Variants in CFAP44 observed in about 807,000 individuals in gnomAD.
The protein encoded by CFAP44 is cilia and flagella associated protein 44.
Under a neutral mutation model 216.2 loss-of-function variants are expected in CFAP44, and 134 were observed. The observed-to-expected ratio is 0.62, with a 90% CI of 0.54 to 0.72. The LOEUF is 0.72. Ranked by LOEUF, CFAP44 falls within the 30% of genes least tolerant of loss-of-function variation. CFAP44 has a pLI of 0.00. For synonymous variants in CFAP44, 700 were observed against 727.6 expected (o/e 0.96, Z 0.61); for missense variants, 2,035 against 2,182.1 (o/e 0.93, Z 1.34).
chr3:113,408,316 A>T (rs1289492376), intron 7 of CFAP44, among the ~76,000 whole-genome samples: 1 of 152,186 alleles, frequency 6.6e-6, no homozygotes, highest in Admixed American at 6.5e-5. Flanking sequence ...TGAAAAGAGC[A>T]TGGAGTTTGG....
intron 6 of CFAP44, among the ~76,000 whole-genome samples, chr3:113,409,764 C>T (rs1274433313): frequency 1.3e-5 from 2 of 152,188 alleles, no homozygotes; most frequent in Non-Finnish European, 2.9e-5. Context: ...AAAGACCCAA[C>T]TGATAAAACA....
At position 113,363,528 on chromosome 3, in the gene CFAP44, C is replaced by T. The variant is rs780270435; in HGVS notation, c.2720G>A (p.Gly907Glu). 2 of 1,608,204 alleles carry T rather than the reference C, an allele frequency of 1.2e-6. No individual in the cohort carries two copies. The highest frequency in any genetic ancestry group is 1.7e-6 in the Non-Finnish European group (2 of 1,177,402). Residue 907 changes from glycine to glutamate, a missense_variant, in exon 20 of 35, where the codon GGA (glycine) becomes GAA (glutamate). This residue lies in a region of CFAP44 where 1,883 missense variants were observed against 2,023.7 expected (regional missense o/e 0.93). Transcript: ENST00000393845. ...TTCTGGAATTGGCTCTGTTTCAATTCCAAACTATAGGAAGGGAAGTAAAAG... is the reference window on the plus strand; with the variant it reads ...TTCTGGAATTGGCTCTGTTTCAATTTCAAACTATAGGAAGGGAAGTAAAAG... ...MKAKVPSPRF[G>E]IETEPIPEDI...
intron 23 of CFAP44, among the ~76,000 whole-genome samples, chr3:113,343,299 G>A (rs1424282928): frequency 6.6e-6 from 1 of 152,032 alleles, no homozygotes; most frequent in African/African-American, 2.4e-5. Context: ...CTGACCTCAA[G>A]TGATTCACCT....
intron 21 of CFAP44, 128 bp from the exon 22 acceptor site, chr3:113,359,003 C>A: frequency 8.7e-7 from 1 of 1,153,962 alleles, no homozygotes; most frequent in South Asian, 2.2e-5. Context: ...CTGTCCATTA[C>A]AAAAGAAAAA....
chr3:113,343,365 C>G (rs963719875), intron 23 of CFAP44, among the ~76,000 whole-genome samples: 2 of 152,102 alleles, frequency 1.3e-5, no homozygotes, highest in African/African-American at 4.8e-5. Context: ...ACCTGGTCTA[C>G]TAACAAGTTC....
intron 22 of CFAP44, among the ~76,000 whole-genome samples, chr3:113,349,518 G>A (rs917489806): frequency 2.0e-5 from 3 of 152,204 alleles, no homozygotes; most frequent in African/African-American, 7.2e-5. Context: ...CAATCACCTG[G>A]TAGGGCTTGT....
chr3:113,437,167 TAA>T (rs1345657129), intron 1 of CFAP44, among the ~76,000 whole-genome samples: 2 of 152,046 alleles, frequency 1.3e-5, no homozygotes, highest in Non-Finnish European at 2.9e-5. Flanking sequence ...TGGTGCCCTT[TAA>T]AGCCAGGAAT....
chr3:113,416,401 C>A, intron 6 of CFAP44, 124 bp downstream of exon 6: 1 of 735,944 alleles, frequency 1.4e-6, no homozygotes. Flanking sequence ...TTGAATAAAT[C>A]TCTTTTCTGT....
At chr3:113,398,221 A>C (rs1305263545) in intron 13 of CFAP44, among the ~76,000 whole-genome samples, 1 of 152,178 alleles carries the variant, frequency 6.6e-6, no homozygotes, top group Non-Finnish European at 1.5e-5. Flanking sequence ...GAAGACAATA[A>C]AGCACATAAT....
In CFAP44 at chr3:113,365,804, T is replaced by G. The variant is rs149453265; in HGVS notation, c.2715+235A>C. Among the ~76,000 whole-genome samples the G allele has an allele frequency of 1.6e-3, 244 of 152,204 alleles. 1 individual carries two copies. Among genetic ancestry groups the G allele is most frequent in the African/African-American group, 5.5e-3 (227 of 41,566 alleles). ...CAAACTTTTAACTACATAGAAAAAC[T>G]GACACATTCTTTTTTAATCTGGGGA... On this transcript the variant is annotated intron_variant, in intron 19 of 34. Coordinates refer to ENST00000393845, the MANE Select transcript of CFAP44 (RefSeq NM_001164496.2).
intron 4 of CFAP44, among the ~76,000 whole-genome samples, chr3:113,421,791 C>T (rs1308422315): frequency 6.8e-6 from 1 of 147,400 alleles, no homozygotes; most frequent in Non-Finnish European, 1.5e-5. Flanking sequence ...ATCTTGAGTA[C>T]ACACAGACAC....
chr3:113,396,431 T>G, intron 14 of CFAP44, 87 bp downstream of exon 14: 7 of 1,372,702 alleles, frequency 5.1e-6, no homozygotes, highest in Non-Finnish European at 7.0e-6. Context: ...TGAATTTCAG[T>G]AAATAAGACA....
chr3:113,351,188 G>A (rs1304017386), intron 22 of CFAP44, among the ~76,000 whole-genome samples: 11 of 152,158 alleles, frequency 7.2e-5, no homozygotes, highest in African/African-American at 2.7e-4. Context: ...TGGACTGAAC[G>A]AGATCTTATT....
At chr3:113,373,032 G>T (rs753199785) in intron 18 of CFAP44, among the ~76,000 whole-genome samples, 7 of 152,218 alleles carry the variant, frequency 4.6e-5, no homozygotes, top group Non-Finnish European at 7.3e-5. Flanking sequence ...TGGGTCGTCA[G>T]AAGAATAACT....
In CFAP44 at chr3:113,291,392, C is replaced by G. The variant is rs574237565; in HGVS notation, c.*165G>C. 9.3e-5 allele frequency: 75 copies of G among 806,654 alleles called. No homozygotes were observed. The South Asian group carries it at 1.4e-3, about 15-fold the overall frequency. The allele number at this position is 806,654 out of a possible 1,614,324, so 50.0% of individuals were successfully genotyped here. On this transcript the variant is annotated 3_prime_UTR_variant, in exon 35 of 35. Coordinates refer to ENST00000393845, the MANE Select transcript of CFAP44 (RefSeq NM_001164496.2). ...GGTGCTGCAGTCAGTTCTAAGATAA[C>G]CAAATTGTAGAGAGATTCTTAAAGT...
chr3:113,391,609 T>A (rs1933841751), intron 15 of CFAP44, among the ~76,000 whole-genome samples: 1 of 152,120 alleles, frequency 6.6e-6, no homozygotes, highest in Non-Finnish European at 1.5e-5. Context: ...AAGTGAAGAA[T>A]ATTTCTCTCA....
chr3:113,424,793 T>C (rs767556156), intron 4 of CFAP44, among the ~76,000 whole-genome samples: 21 of 152,206 alleles, frequency 1.4e-4, no homozygotes, highest in Non-Finnish European at 2.6e-4. Context: ...ATAATTCATA[T>C]ATTGGAATAA....
intron 21 of CFAP44, among the ~76,000 whole-genome samples, chr3:113,362,569 C>T (rs547385871): frequency 6.6e-6 from 1 of 152,316 alleles, no homozygotes; most frequent in South Asian, 2.1e-4. Context: ...TCAGAAACCC[C>T]AGGGCCTCCA....
chr3:113,366,422 T>A (rs1247110938), intron 18 of CFAP44, 113 bp from the exon 19 acceptor site: 1 of 1,283,730 alleles, frequency 7.8e-7, no homozygotes, highest in Admixed American at 2.5e-5. Context: ...GACTGAATTG[T>A]ACACCCCTAA....
Sources: allele counts gnomAD v4.1 joint callset (sites outside exome capture counted in the v4.1 genomes callset), GRCh38; gene constraint gnomAD v4.1.1; regional missense constraint gnomAD v4.1.1; transcripts MANE v1.5; gene names NCBI Gene and HGNC (gene_info 2026-07-23, HGNC 2026-07-21).